ZNF385D: variants seen among roughly 807,000 people sequenced by gnomAD.
ZNF385D encodes the protein zinc finger protein 385D.
ZNF385D carries 15 observed loss-of-function variants against 35.8 expected under a neutral mutation model. The ratio of observed to expected loss-of-function variants is 0.42; its 90% confidence interval spans 0.28 to 0.64. The LOEUF (loss-of-function observed/expected upper bound fraction) is 0.64. Among genes scored for constraint, ZNF385D ranks in the 30% least tolerant of loss-of-function variants. The pLI is 0.23. For synonymous variants in ZNF385D, 212 were observed against 186.8 expected, an observed-to-expected ratio of 1.13 and a Z score of -1.10; for missense variants, 474 against 494.6, an observed-to-expected ratio of 0.96 and a Z score of 0.39.
intron 2 of ZNF385D, among the ~76,000 whole-genome samples, chr3:22,365,092 C>T (rs1559543358): frequency 6.6e-6 from 1 of 151,812 alleles, no homozygotes; most frequent in African/African-American, 2.4e-5. Flanking sequence ...GGGCTGTGGG[C>T]AGGGAAGAAT....
chr3:22,158,149 C>A (rs1705712728), intron 3 of ZNF385D, among the ~76,000 whole-genome samples: 1 of 152,076 alleles, frequency 6.6e-6, no homozygotes, highest in South Asian at 2.1e-4. Context: ...TCTGACATCT[C>A]CGGTTTATAA....
intron 3 of ZNF385D, among the ~76,000 whole-genome samples, chr3:21,850,798 A>G (rs1217391704): frequency 6.6e-6 from 1 of 152,102 alleles, no homozygotes. Flanking sequence ...CCTTAGGTAA[A>G]GGCTATACTA....
At chr3:21,713,952 T>C (rs2068216020) in intron 1 of ZNF385D, among the ~76,000 whole-genome samples, 1 of 152,170 alleles carries the variant, frequency 6.6e-6, no homozygotes, top group South Asian at 2.1e-4. Context: ...TTTTCAGCCC[T>C]TTACCCTGTT....
intron 3 of ZNF385D, among the ~76,000 whole-genome samples, chr3:21,832,749 G>C (rs1695079261): frequency 6.6e-6 from 1 of 152,162 alleles, no homozygotes; most frequent in Non-Finnish European, 1.5e-5. Flanking sequence ...GTGATCATCT[G>C]TTGTTGGGTG....
At chr3:22,179,192 C>T (rs1240216387) in intron 2 of ZNF385D, among the ~76,000 whole-genome samples, 3 of 152,102 alleles carry the variant, frequency 2.0e-5, no homozygotes, top group Non-Finnish European at 4.4e-5. Context: ...GCCATTTTCA[C>T]GATATTGATT....
In ZNF385D at chr3:21,866,936, C is replaced by G. The variant is rs76936872; in HGVS notation, c.326-201908G>C. Among the ~76,000 whole-genome samples, 805 of 152,140 alleles carry G rather than the reference C, an allele frequency of 5.3e-3. 12 individuals carry two copies. In the East Asian group the frequency reaches 0.053, roughly 10 times the overall value. The stretch of plus-strand genomic sequence containing the variant: ...ATGAAATGAGGAGACTTAAAAAATA[C>G]CAAGGCCAGGCTGCACCCAATACCC... On this transcript the variant is annotated intron_variant, in intron 3 of 5. Transcript: ENST00000494108.
chr3:21,937,970 C>T (rs1056049774), intron 3 of ZNF385D, among the ~76,000 whole-genome samples: 10 of 152,304 alleles, frequency 6.6e-5, no homozygotes, highest in African/African-American at 2.4e-4. Context: ...TGTCCAAACT[C>T]TTCTATATGG....
chr3:21,737,096 C>G (rs1055960820), intron 1 of ZNF385D, among the ~76,000 whole-genome samples: 1 of 152,126 alleles, frequency 6.6e-6, no homozygotes, highest in Non-Finnish European at 1.5e-5. Context: ...CTTGCCACCA[C>G]GCCTGGATAA....
chr3:22,004,090 A>C (rs1696038567), intron 3 of ZNF385D, among the ~76,000 whole-genome samples: 1 of 152,158 alleles, frequency 6.6e-6, no homozygotes, highest in African/African-American at 2.4e-5. Context: ...CCAAAGGAAC[A>C]GAACCAATGA....
intron 2 of ZNF385D, among the ~76,000 whole-genome samples, chr3:22,328,133 A>G (rs1361981061): frequency 6.6e-6 from 1 of 152,068 alleles, no homozygotes; most frequent in Non-Finnish European, 1.5e-5. Flanking sequence ...CCATTTACAT[A>G]CAGTGAGATT....
rs35256846 is a variant in ZNF385D at position 21,463,894 on chromosome 3, G to GTT, written c.440-26693_440-26692dup. 3.1e-3 allele frequency among the ~76,000 whole-genome samples: 461 copies of GTT among 148,320 alleles called. 3 individuals carry two copies. The highest frequency in any genetic ancestry group is 2.3e-3 in the Non-Finnish European group (154 of 66,962). On this transcript the variant is annotated intron_variant, in intron 4 of 7. Transcript: ENST00000281523. ...CTCTTAGGAGAGCTGCTTAGCCTCA[G>GTT]TTTTTTTTTTTCATATGCAACAGGA...
chr3:21,967,162 G>C (rs568183523), intron 3 of ZNF385D, among the ~76,000 whole-genome samples: 33 of 152,180 alleles, frequency 2.2e-4, no homozygotes, highest in African/African-American at 7.2e-4. Context: ...GTGATGTAAT[G>C]GTCATTACTT....
At chr3:21,538,366 G>C (rs1272557507) in intron 3 of ZNF385D, among the ~76,000 whole-genome samples, 1 of 152,072 alleles carries the variant, frequency 6.6e-6, no homozygotes, top group Non-Finnish European at 1.5e-5. Context: ...CTGTGAAGCA[G>C]AATTGGAAAC....
chr3:21,759,010 T>C (rs1354226484), intron 3 of ZNF385D, among the ~76,000 whole-genome samples: 3 of 57,854 alleles, frequency 5.2e-5, no homozygotes, highest in Admixed American at 2.2e-4. Flanking sequence ...AAAAAAACAG[T>C]GGTGATGCTA....
chr3:22,105,672 A>G (rs1227175735), intron 3 of ZNF385D, among the ~76,000 whole-genome samples: 1 of 152,042 alleles, frequency 6.6e-6, no homozygotes, highest in African/African-American at 2.4e-5. Context: ...CCAACCAGTA[A>G]GGCAGAGAAT....
chr3:21,932,289 T>G (rs1332033680), intron 3 of ZNF385D, among the ~76,000 whole-genome samples: 2 of 151,590 alleles, frequency 1.3e-5, no homozygotes, highest in African/African-American at 4.8e-5. Flanking sequence ...AATATCATAT[T>G]TAGCTGCCTT....
intron 1 of ZNF385D, among the ~76,000 whole-genome samples, chr3:21,712,185 G>T (rs1314503099): frequency 7.2e-5 from 11 of 151,972 alleles, no homozygotes; most frequent in Non-Finnish European, 1.6e-4. Context: ...TGGTCTTTCT[G>T]CCCTAAAACA....
rs533525309 is a variant in ZNF385D at position 22,166,583 on chromosome 3, G to A, written c.325+2234C>T. ...GAATATAACAAGATCACTTTGGTTGGTTATGAGGAAAAATTGAATAATAAA... is the reference window on the plus strand; with the variant it reads ...GAATATAACAAGATCACTTTGGTTGATTATGAGGAAAAATTGAATAATAAA... On this transcript the variant is annotated intron_variant, in intron 3 of 5. Transcript: ENST00000494108. Among the ~76,000 whole-genome samples, 22 of 152,290 alleles carry A rather than the reference G, an allele frequency of 1.4e-4. 1 individual carries two copies. The highest frequency in any genetic ancestry group is 5.1e-4 in the African/African-American group (21 of 41,574).
At chr3:21,908,096 A>C (rs943051628) in intron 3 of ZNF385D, among the ~76,000 whole-genome samples, 1 of 151,096 alleles carries the variant, frequency 6.6e-6, no homozygotes, top group Non-Finnish European at 1.5e-5. Context: ...TTTTCTCTCT[A>C]TATCTATATA....
Sources: allele counts gnomAD v4.1 joint callset (sites outside exome capture counted in the v4.1 genomes callset), GRCh38; gene constraint gnomAD v4.1.1; transcripts MANE v1.5; gene names NCBI Gene and HGNC (gene_info 2026-07-23, HGNC 2026-07-21).